ACTR3C: variants seen among roughly 807,000 people sequenced by gnomAD.
ACTR3C encodes actin related protein 3C, also known as actin-related protein 3C.
ACTR3C carries 18 observed loss-of-function variants against 26.3 expected under a neutral mutation model. The observed-to-expected ratio is 0.68, with a 90% confidence interval of 0.47 to 1.01. ACTR3C has a LOEUF of 1.01. Among genes scored for constraint, ACTR3C ranks in the 50% least tolerant of loss-of-function variants. The probability of loss-of-function intolerance (pLI) is 0.00; values close to 1 mark genes in which losing one functional copy is unlikely to be tolerated. For missense variants in ACTR3C, 184 were observed against 250.7 expected, an observed-to-expected ratio of 0.73 and a Z score of 1.80; for synonymous variants, 55 against 94.5, an observed-to-expected ratio of 0.58 and a Z score of 2.42.
the ACTR3C span, among the ~76,000 whole-genome samples, chr7:149,988,685 G>T: frequency 6.6e-6 from 1 of 152,192 alleles, no homozygotes; most frequent in African/African-American, 2.4e-5. Flanking sequence ...GAAGTCTCAT[G>T]ATGAGAGAAC....
At chr7:149,939,599 T>C in the ACTR3C span, among the ~76,000 whole-genome samples, 1 of 152,054 alleles carries the variant, frequency 6.6e-6, no homozygotes, top group African/African-American at 2.4e-5. Flanking sequence ...AAGGGACCTG[T>C]GCTGGGCTCC....
chr7:149,896,661 A>G, the ACTR3C span, among the ~76,000 whole-genome samples: 1 of 151,798 alleles, frequency 6.6e-6, no homozygotes, highest in Admixed American at 6.5e-5. Context: ...TATATACATA[A>G]CAACACTCTT....
chr7:150,064,498 G>A, the ACTR3C span, among the ~76,000 whole-genome samples: 1 of 150,258 alleles, frequency 6.7e-6, no homozygotes, highest in Non-Finnish European at 1.5e-5. Context: ...CTGTGAGGCG[G>A]AGGTTGCAGT....
chr7:150,175,657 G>A, the ACTR3C span, among the ~76,000 whole-genome samples: 21,537 of 146,156 alleles, frequency 0.15, 3,303 homozygotes, highest in African/African-American at 0.36. Flanking sequence ...CTACTAAAAT[G>A]CAAAATTAGC....
At chr7:150,124,927 A>G in the ACTR3C span, among the ~76,000 whole-genome samples, 1 of 152,236 alleles carries the variant, frequency 6.6e-6, no homozygotes, top group African/African-American at 2.4e-5. Flanking sequence ...TTACACATGG[A>G]AAGACTGAGG....
At chr7:150,070,763 T>A in the ACTR3C span, among the ~76,000 whole-genome samples, 1 of 151,612 alleles carries the variant, frequency 6.6e-6, no homozygotes, top group Admixed American at 6.6e-5. Context: ...AAATTGCTAA[T>A]TTTTGACATA....
chr7:150,040,070 A>T, the ACTR3C span, among the ~76,000 whole-genome samples: 9 of 126,086 alleles, frequency 7.1e-5, no homozygotes, highest in Non-Finnish European at 1.0e-4. Flanking sequence ...GCCTCCCCCC[A>T]CTGCGATGGG....
At chr7:150,294,647 A>G (rs1052378250) in intron 2 of ACTR3C, among the ~76,000 whole-genome samples, 5 of 152,238 alleles carry the variant, frequency 3.3e-5, no homozygotes, top group East Asian at 1.9e-4. Flanking sequence ...TCATCTTTCT[A>G]TGGAACTTTT....
the ACTR3C span, among the ~76,000 whole-genome samples, chr7:150,186,665 A>G: frequency 2.6e-5 from 4 of 152,190 alleles, no homozygotes; most frequent in Non-Finnish European, 4.4e-5. Flanking sequence ...CCCAAGGCCA[A>G]TCCTCTCGCC....
chr7:149,932,750 G>A, the ACTR3C span, among the ~76,000 whole-genome samples: 136,216 of 149,294 alleles, frequency 0.91, 62,913 homozygotes, highest in Non-Finnish European at 0.99. Context: ...ACAGCAGGGC[G>A]AGACAGGGCA....
the ACTR3C span, among the ~76,000 whole-genome samples, chr7:150,035,026 A>T: frequency 1.4e-5 from 2 of 139,540 alleles, no homozygotes; most frequent in African/African-American, 5.4e-5. Flanking sequence ...CAGGGGGGGA[A>T]GAGGGACTGG....
chr7:150,140,496 C>A, the ACTR3C span, among the ~76,000 whole-genome samples: 2 of 151,900 alleles, frequency 1.3e-5, no homozygotes, highest in African/African-American at 2.4e-5. Context: ...TCGATCAGTG[C>A]GGCAAACCTC....
the ACTR3C span, among the ~76,000 whole-genome samples, chr7:149,914,084 T>G: frequency 6.6e-6 from 1 of 151,596 alleles, no homozygotes; most frequent in East Asian, 2.0e-4. Context: ...GAGAGGGGTC[T>G]TCCTATGTTG....
At chr7:150,073,927 G>C in the ACTR3C span, 1 of 152,170 alleles carries the variant, frequency 6.6e-6, no homozygotes, top group Non-Finnish European at 1.5e-5. Flanking sequence ...CTTGATGGGG[G>C]ACTGAGAAAG....
chr7:149,917,151 C>G, the ACTR3C span, among the ~76,000 whole-genome samples: 45 of 151,348 alleles, frequency 3.0e-4, no homozygotes, highest in African/African-American at 1.1e-3. Context: ...TCTTGGCTCA[C>G]TGAAACCTCC....
At chr7:150,004,980 A>T in the ACTR3C span, 11 of 152,210 alleles carry the variant, frequency 7.2e-5, no homozygotes, top group Non-Finnish European at 1.5e-4. Flanking sequence ...TGAAACTGGA[A>T]TGTTGATGCC....
the ACTR3C span, among the ~76,000 whole-genome samples, chr7:150,188,835 A>T: frequency 1.3e-5 from 2 of 151,308 alleles, no homozygotes; most frequent in Non-Finnish European, 2.9e-5. Flanking sequence ...AGATCTGAGT[A>T]AGAGGTACAT....
At chr7:150,151,885 TA>T in the ACTR3C span, among the ~76,000 whole-genome samples, 1,404 of 137,738 alleles carry the variant, frequency 0.01, 115 homozygotes, top group African/African-American at 0.033. Flanking sequence ...ATAATAATAA[TA>T]AAAAAAATTT....
the ACTR3C span, among the ~76,000 whole-genome samples, chr7:149,893,453 G>GCTAAGTGTTTCCTTTTGCACA: frequency 6.6e-6 from 1 of 152,154 alleles, no homozygotes; most frequent in Non-Finnish European, 1.5e-5. Flanking sequence ...TGAACACTCT[G>GCTAAGTGTTTCCTTTTGCACA]CTAAGTGTTT....
Sources: gnomAD v4.1 joint callset for allele counts (sites outside exome capture counted in the v4.1 genomes callset) on GRCh38, gnomAD v4.1.1 for gene constraint, MANE v1.5 for transcripts, NCBI Gene and HGNC (gene_info 2026-07-23, HGNC 2026-07-21) for gene names.